PCDH15: variants seen among roughly 807,000 people sequenced by gnomAD.
PCDH15 encodes protocadherin related 15.
A neutral mutation model predicts 178.5 loss-of-function variants in PCDH15; 129 were observed. That is an observed-to-expected ratio of 0.72 (90% CI 0.63 to 0.84). PCDH15 has a LOEUF of 0.84. PCDH15 is among the 40% of genes least tolerant of loss of function. The pLI, the probability that PCDH15 is intolerant of heterozygous loss-of-function variation, is 0.00. For missense variants in PCDH15, 2,230 were observed against 2,099.9 expected, an observed-to-expected ratio of 1.06 and a Z score of -1.21; for synonymous variants, 800 against 732.0, an observed-to-expected ratio of 1.09 and a Z score of -1.50.
intron 13 of PCDH15, among the ~76,000 whole-genome samples, chr10:54,167,831 A>G (rs2046408509): frequency 6.7e-6 from 1 of 149,074 alleles, no homozygotes; most frequent in Non-Finnish European, 1.5e-5. Flanking sequence ...CCATGCCCCA[A>G]CCCCTTATTT....
intron 1 of PCDH15, among the ~76,000 whole-genome samples, chr10:54,752,499 CAAA>C (rs1306931904): frequency 7.5e-5 from 5 of 66,624 alleles, no homozygotes; most frequent in East Asian, 2.6e-4. Context: ...AAACAAAAAA[CAAA>C]AAACAAAAAA....
chr10:54,573,858 C>T (rs997797483), intron 2 of PCDH15, among the ~76,000 whole-genome samples: 1 of 152,134 alleles, frequency 6.6e-6, no homozygotes, highest in East Asian at 1.9e-4. Flanking sequence ...GCACCTTATC[C>T]TTACTTAGTA....
intron 32 of PCDH15, 72 bp downstream of exon 32, chr10:53,827,321 A>AAATT: frequency 6.7e-7 from 1 of 1,503,372 alleles, no homozygotes; most frequent in African/African-American, 1.4e-5. Context: ...CATCAGATTG[A>AAATT]AATTAAATAC....
intron 3 of PCDH15, among the ~76,000 whole-genome samples, chr10:54,500,541 G>C (rs1180230046): frequency 1.3e-5 from 2 of 152,056 alleles, no homozygotes; most frequent in African/African-American, 4.8e-5. Flanking sequence ...TTCACCAAAG[G>C]TTCCATAGTC....
intron 2 of PCDH15, among the ~76,000 whole-genome samples, chr10:54,660,641 A>G (rs1157506311): frequency 6.6e-6 from 1 of 152,050 alleles, no homozygotes; most frequent in African/African-American, 2.4e-5. Flanking sequence ...ACCAAAACCT[A>G]GCACTGAACA....
chr10:54,142,681 A>T (rs1281611734), intron 14 of PCDH15, among the ~76,000 whole-genome samples: 1 of 152,180 alleles, frequency 6.6e-6, no homozygotes, highest in Non-Finnish European at 1.5e-5. Flanking sequence ...AAACTGATTA[A>T]AATTAGATAG....
At chr10:54,324,082 C>G (rs1163262789) in intron 7 of PCDH15, among the ~76,000 whole-genome samples, 1 of 152,000 alleles carries the variant, frequency 6.6e-6, no homozygotes, top group Non-Finnish European at 1.5e-5. Flanking sequence ...TCAGAAAATG[C>G]CCAAGAAACT....
intron 15 of PCDH15, among the ~76,000 whole-genome samples, chr10:54,100,765 G>A (rs2094795139): frequency 1.3e-5 from 2 of 152,072 alleles, no homozygotes; most frequent in Non-Finnish European, 2.9e-5. Flanking sequence ...GCAACATATA[G>A]TAAGTGATAT....
chr10:55,530,708 G>T (rs536797910), intron 2 of PCDH15, among the ~76,000 whole-genome samples: 30 of 151,624 alleles, frequency 2.0e-4, no homozygotes, highest in African/African-American at 6.5e-4. Flanking sequence ...GTCTTTTGGG[G>T]GCCTGAACAT....
chr10:54,236,719 AAAT>A (rs2054661440), intron 9 of PCDH15, 101 bp downstream of exon 9: 8 of 985,950 alleles, frequency 8.1e-6, no homozygotes, highest in Admixed American at 1.8e-5. Context: ...CAATCATGTC[AAAT>A]AATAAACTTT....
At chr10:54,114,666 T>A (rs944724427) in intron 15 of PCDH15, among the ~76,000 whole-genome samples, 9 of 152,310 alleles carry the variant, frequency 5.9e-5, no homozygotes, top group South Asian at 2.1e-4. Context: ...AATATTATTA[T>A]TTTTTATAAG....
At position 53,860,192 on chromosome 10, in the gene PCDH15, T is replaced by A. The variant is rs2079011426; in HGVS notation, c.3718-2929A>T. Among the ~76,000 whole-genome samples, 4 of 152,256 alleles carry A rather than the reference T, an allele frequency of 2.6e-5. 1 individual carries two copies. The East Asian group carries it at 7.7e-4, about 29-fold the overall frequency. On this transcript the variant is annotated intron_variant, in intron 27 of 37. Transcript: ENST00000644397. ...TAACTTTGATAAGACTTTGTTCTAT[T>A]TGTGTGGAAAATAATGAAATAAATA...
intron 8 of PCDH15, among the ~76,000 whole-genome samples, chr10:54,289,931 T>C (rs1020491506): frequency 7.9e-5 from 12 of 152,186 alleles, no homozygotes; most frequent in African/African-American, 2.7e-4. Context: ...TTGGTGTACC[T>C]GAAAGTGATG....
At chr10:54,574,212 A>ACT (rs2090198492) in intron 2 of PCDH15, among the ~76,000 whole-genome samples, 1 of 151,410 alleles carries the variant, frequency 6.6e-6, no homozygotes, top group Non-Finnish European at 1.5e-5. Context: ...ATAAGGTGTA[A>ACT]GGAAGGGATC....
chr10:54,600,397 G>A (rs2092466938), intron 2 of PCDH15: 1 of 562,242 alleles, frequency 1.8e-6, no homozygotes, highest in Non-Finnish European at 3.5e-6. Context: ...AAAAGGCAGT[G>A]GGAGGGAAGA....
At position 54,528,840 on chromosome 10, in the gene PCDH15, A is replaced by C. The variant is rs557375908; in HGVS notation, c.92-963T>G. Among the ~76,000 whole-genome samples the C allele has an allele frequency of 2.0e-5, 3 of 152,194 alleles. No homozygotes were observed. In the South Asian group the frequency reaches 6.2e-4, roughly 32 times the overall value. On this transcript the variant is annotated intron_variant, in intron 2 of 37. Coordinates refer to ENST00000644397, the MANE Select transcript of PCDH15 (RefSeq NM_001384140.1). ...TTCCAGGTATCACATGATAATGAAC[A>C]TAAAAAATAGTATGAGCTATAATAT...
chr10:54,613,097 T>C (rs2093014885), intron 2 of PCDH15, among the ~76,000 whole-genome samples: 1 of 151,792 alleles, frequency 6.6e-6, no homozygotes, highest in African/African-American at 2.4e-5. Context: ...AGAAACAATA[T>C]TTATATTTTA....
At chr10:53,972,491 A>G (rs1010342790) in intron 21 of PCDH15, among the ~76,000 whole-genome samples, 2 of 152,130 alleles carry the variant, frequency 1.3e-5, no homozygotes, top group African/African-American at 2.4e-5. Context: ...TACCACCAGA[A>G]TGAACAGGCA....
intron 3 of PCDH15, among the ~76,000 whole-genome samples, chr10:54,855,130 C>A (rs140736102): frequency 6.6e-6 from 1 of 152,220 alleles, no homozygotes; most frequent in African/African-American, 2.4e-5. Context: ...AAGAACAAAG[C>A]AAGTACCAAC....
Sources: allele counts gnomAD v4.1 joint callset (sites outside exome capture counted in the v4.1 genomes callset), GRCh38; gene constraint gnomAD v4.1.1; transcripts MANE v1.5; gene names NCBI Gene and HGNC (gene_info 2026-07-23, HGNC 2026-07-21).